Variants in LRP1B observed in about 807,000 individuals in gnomAD.
LRP1B encodes low-density lipoprotein receptor-related protein 1B.
In LRP1B, 217 loss-of-function variants were observed where a neutral mutation model predicts 556.6. The ratio of observed to expected loss-of-function variants is 0.39; its 90% CI spans 0.35 to 0.44. The LOEUF is 0.44. LRP1B is among the 20% of genes least tolerant of loss of function. The pLI is 1.00. For missense variants in LRP1B, 5,053 were observed against 5,620.8 expected, an observed-to-expected ratio of 0.90 and a Z score of 3.23; for synonymous variants, 2,047 against 1,865.8, an observed-to-expected ratio of 1.10 and a Z score of -2.50.
intron 7 of LRP1B, among the ~76,000 whole-genome samples, chr2:141,156,311 G>T (rs1053912044): frequency 6.6e-6 from 1 of 152,052 alleles, no homozygotes; most frequent in East Asian, 1.9e-4. Context: ...AGTCCTCCCT[G>T]TTCTGTCAAT....
At chr2:140,758,001 TTAA>T (rs1159963689) in intron 35 of LRP1B, among the ~76,000 whole-genome samples, 2 of 152,192 alleles carry the variant, frequency 1.3e-5, no homozygotes, top group African/African-American at 4.8e-5. Flanking sequence ...CAATTGTATA[TTAA>T]TGATGGCTGC....
intron 1 of LRP1B, among the ~76,000 whole-genome samples, chr2:142,088,799 C>T (rs12470790): frequency 0.67 from 101,387 of 151,232 alleles, 34,148 homozygotes; most frequent in East Asian, 0.71. Flanking sequence ...CACAGTGAAA[C>T]CCCGTCTCTA....
At chr2:141,708,930 C>T (rs1442645715) in intron 2 of LRP1B, among the ~76,000 whole-genome samples, 1 of 152,140 alleles carries the variant, frequency 6.6e-6, no homozygotes, top group East Asian at 1.9e-4. Flanking sequence ...GGACTTCCAG[C>T]CCCTAGACTT....
At chr2:141,011,225 A>C (rs2105382045) in intron 14 of LRP1B, among the ~76,000 whole-genome samples, 1 of 151,298 alleles carries the variant, frequency 6.6e-6, no homozygotes, top group Middle Eastern at 3.4e-3. Flanking sequence ...ACAGTCTAAC[A>C]GGACAATATG....
At chr2:141,405,017 G>A (rs1046665465) in intron 3 of LRP1B, among the ~76,000 whole-genome samples, 1 of 151,896 alleles carries the variant, frequency 6.6e-6, no homozygotes, top group Non-Finnish European at 1.5e-5. Flanking sequence ...GGGTGAACTC[G>A]GGGCGGCAGA....
intron 1 of LRP1B, among the ~76,000 whole-genome samples, chr2:141,878,560 A>ATTGCCT (rs1698846189): frequency 6.6e-6 from 1 of 152,024 alleles, no homozygotes; most frequent in Non-Finnish European, 1.5e-5. Flanking sequence ...AAAAGAGTTT[A>ATTGCCT]ACCAGTTTGG....
At chr2:140,536,173 G>C (rs1472277027) in intron 46 of LRP1B, among the ~76,000 whole-genome samples, 5 of 151,404 alleles carry the variant, frequency 3.3e-5, no homozygotes, top group Non-Finnish European at 1.5e-5. Context: ...GGCTGGGTGT[G>C]GTGCTCAGAA....
intron 2 of LRP1B, among the ~76,000 whole-genome samples, chr2:141,651,039 G>GT (rs1689769233): frequency 6.6e-6 from 1 of 152,156 alleles, no homozygotes; most frequent in Admixed American, 6.5e-5. Flanking sequence ...TCTTATCCAT[G>GT]CCGGACTTTA....
chr2:141,557,148 G>C (rs1685986594), intron 2 of LRP1B, among the ~76,000 whole-genome samples: 1 of 151,806 alleles, frequency 6.6e-6, no homozygotes, highest in South Asian at 2.1e-4. Flanking sequence ...CTGTACAGTA[G>C]AGAGGTTTTA....
At chr2:141,712,335 G>T (rs1024373587) in intron 2 of LRP1B, among the ~76,000 whole-genome samples, 6 of 151,474 alleles carry the variant, frequency 4.0e-5, no homozygotes, top group African/African-American at 1.5e-4. Context: ...CCAGTATCAC[G>T]TCAACTGTAC....
intron 23 of LRP1B, among the ~76,000 whole-genome samples, chr2:140,897,672 G>T (rs1407036934): frequency 6.6e-6 from 1 of 152,148 alleles, no homozygotes; most frequent in East Asian, 1.9e-4. Context: ...GACTAGATTT[G>T]CTAAGTCTTC....
At chr2:141,805,478 A>T (rs1696140890) in intron 2 of LRP1B, 1 of 152,144 alleles carries the variant, frequency 6.6e-6, no homozygotes, top group African/African-American at 2.4e-5. Flanking sequence ...AGACTACACC[A>T]TATTGCATCA....
chr2:140,508,788 T>C (rs1689525309), intron 52 of LRP1B, among the ~76,000 whole-genome samples: 1 of 152,180 alleles, frequency 6.6e-6, no homozygotes, highest in African/African-American at 2.4e-5. Context: ...TACTTAATAG[T>C]ACCCTTGTGG....
At position 140,783,589 on chromosome 2, in the gene LRP1B, T is replaced by C. The variant is rs116381970; in HGVS notation, c.5360-7351A>G. 6.1e-3 allele frequency among the ~76,000 whole-genome samples: 922 copies of C among 152,226 alleles called. 13 individuals carry two copies. Among genetic ancestry groups the C allele is most frequent in the African/African-American group, 0.021 (867 of 41,556 alleles). ...TAGATTATACCTGGTCATGAGTTAA[T>C]AGATAAAATGAAAATCTAGACCTGC... On this transcript the variant is annotated intron_variant, in intron 32 of 90. Transcript: ENST00000389484.
chr2:140,735,836 T>C (rs1687928190), intron 35 of LRP1B, among the ~76,000 whole-genome samples: 1 of 152,054 alleles, frequency 6.6e-6, no homozygotes, highest in Admixed American at 6.6e-5. Flanking sequence ...AAAGGGAGGA[T>C]AGAGATTATA....
At chr2:141,214,854 A>C (rs574469383) in intron 6 of LRP1B, among the ~76,000 whole-genome samples, 1 of 152,204 alleles carries the variant, frequency 6.6e-6, no homozygotes. Context: ...GACACAGACC[A>C]TATCTTACTG....
chr2:140,793,434 T>A (rs1224446155), intron 32 of LRP1B, among the ~76,000 whole-genome samples: 1 of 152,016 alleles, frequency 6.6e-6, no homozygotes, highest in Admixed American at 6.5e-5. Context: ...TTAGATAATT[T>A]ACTATTCTGT....
At chr2:140,959,586 A>C (rs943798922) in intron 18 of LRP1B, among the ~76,000 whole-genome samples, 3 of 151,728 alleles carry the variant, frequency 2.0e-5, no homozygotes, top group Non-Finnish European at 3.0e-5. Context: ...TTGATAACTT[A>C]GAAATGCCAA....
intron 35 of LRP1B, among the ~76,000 whole-genome samples, chr2:140,755,768 A>G (rs1393894377): frequency 6.6e-6 from 1 of 152,054 alleles, no homozygotes; most frequent in Admixed American, 6.5e-5. Flanking sequence ...CAAGACTAGA[A>G]CAAGAATAAG....
Sources: allele counts gnomAD v4.1 joint callset (sites outside exome capture counted in the v4.1 genomes callset), GRCh38; gene constraint gnomAD v4.1.1; transcripts MANE v1.5; gene names NCBI Gene and HGNC (gene_info 2026-07-23, HGNC 2026-07-21).